Variants in ARAP1 observed in about 807,000 individuals in gnomAD.
ARAP1 encodes ArfGAP with RhoGAP domain, ankyrin repeat and PH domain 1, also known as arf-GAP with Rho-GAP domain, ANK repeat and PH domain-containing protein 1.
ARAP1 carries 76 observed loss-of-function variants against 172.2 expected under a neutral mutation model. The ratio of observed to expected loss-of-function variants is 0.44; its 90% CI spans 0.37 to 0.53. The LOEUF (loss-of-function observed/expected upper bound fraction) is 0.53. ARAP1 is among the 20% of genes least tolerant of loss of function. The pLI is 0.00. For synonymous variants in ARAP1, 804 were observed against 803.3 expected (o/e 1.00, Z -0.01); for missense variants, 1,686 against 1,977.5 (o/e 0.85, Z 2.80).
chr11:72,693,263 C>A lies in ARAP1; in HGVS notation c.3954+62G>T, dbSNP rs1856019447. 1.7e-5 allele frequency: 27 copies of A among 1,579,236 alleles called. No homozygotes were observed. The highest frequency in any genetic ancestry group is 1.1e-4 in the Admixed American group (6 of 56,504). On this transcript the variant is annotated intron_variant, in intron 29 of 34. Coordinates refer to ENST00000393609, the MANE Select transcript of ARAP1 (RefSeq NM_001040118.3). The surrounding 1 kb of genome is among the most constrained non-coding windows in gnomAD (Gnocchi z 4.6). ...TTTCCACTTGCAGACCAAGGGGAAT[C>A]TCTGAGCACATTCAGGTGTACAGGT... is the stretch of plus-strand genomic sequence containing the variant.
intron 1 of ARAP1, among the ~76,000 whole-genome samples, chr11:72,737,010 C>T (rs1430345859): frequency 6.6e-6 from 1 of 152,216 alleles, no homozygotes; most frequent in Non-Finnish European, 1.5e-5. Flanking sequence ...CACATCCTCC[C>T]ATCTTCAGGT....
chr11:72,731,680 A>C (rs1857873867), intron 2 of ARAP1, among the ~76,000 whole-genome samples: 1 of 152,214 alleles, frequency 6.6e-6, no homozygotes. Flanking sequence ...CAAAATTCAC[A>C]AAAACACATG....
chr11:72,719,074 G>A (rs1177776242), intron 3 of ARAP1, among the ~76,000 whole-genome samples: 3 of 152,160 alleles, frequency 2.0e-5, no homozygotes, highest in Non-Finnish European at 4.4e-5. Flanking sequence ...CAGGGATGTT[G>A]GATTATTTGT....
intron 1 of ARAP1, among the ~76,000 whole-genome samples, chr11:72,734,867 T>C (rs1470620666): frequency 6.6e-6 from 1 of 150,520 alleles, no homozygotes; most frequent in Non-Finnish European, 1.5e-5. Flanking sequence ...GAATGCAAAA[T>C]ATCTCAATAA....
At chr11:72,743,956 C>A (rs1421517000) in intron 1 of ARAP1, among the ~76,000 whole-genome samples, 1 of 152,058 alleles carries the variant, frequency 6.6e-6, no homozygotes, top group Non-Finnish European at 1.5e-5. Flanking sequence ...TGCCACCTGC[C>A]CCTCCCCTCT....
intron 15 of ARAP1, among the ~76,000 whole-genome samples, chr11:72,702,203 C>G (rs1195340340): frequency 1.3e-5 from 2 of 152,206 alleles, no homozygotes; most frequent in Admixed American, 6.5e-5. Flanking sequence ...CGGTCAGCGC[C>G]GTGGGGGGGC....
In ARAP1 at chr11:72,685,592, T is replaced by C; in HGVS notation, c.*72A>G. The C allele has an allele frequency of 6.2e-7, 1 of 1,605,032 alleles. No homozygotes were observed. Among genetic ancestry groups the C allele is most frequent in the East Asian group, 2.2e-5 (1 of 44,808 alleles). ...CCCCCCGCTGGCTCACATCAGGCCT[T>C]GGAGCATAAGGGGTGTCTGAACAGA... On this transcript the variant is annotated 3_prime_UTR_variant, in exon 35 of 35. Coordinates refer to ENST00000393609, the MANE Select transcript of ARAP1 (RefSeq NM_001040118.3).
chr11:72,707,153 G>A (rs907056138), intron 12 of ARAP1, 22 bp downstream of exon 12: 6 of 1,535,112 alleles, frequency 3.9e-6, no homozygotes, highest in Non-Finnish European at 5.3e-6. Context: ...TCTGCCTGGT[G>A]CCCCGACCCC....
rs1857171626 is a variant in ARAP1, at chr11:72,714,173, C to T, written c.658G>A (p.Val220Ile). 1 of 1,503,564 alleles carries T rather than the reference C, an allele frequency of 6.7e-7. No homozygotes were observed. Among genetic ancestry groups the T allele is most frequent in the East Asian group, 2.6e-5 (1 of 38,674 alleles). The allele number at this position is 1,503,564 out of a possible 1,614,324, so 93.1% of individuals were successfully genotyped here. A position where few individuals can be genotyped will look rare whatever the true frequency, so the allele number is the denominator to read the frequency against. ...TCACCGAACTCTGGGAACAGGCGTACCGGCTTTGGAGGTATCTCCGGGGGG... is the reference window on the plus strand; with the variant it reads ...TCACCGAACTCTGGGAACAGGCGTATCGGCTTTGGAGGTATCTCCGGGGGG... ...PCPPEIPPKP[V>I]RLFPEFDDSD... is the part of the protein sequence containing the mutation. Residue 220 changes from valine (V) to isoleucine (I), a missense_variant, in exon 4 of 35, where the codon GTA (valine) becomes ATA (isoleucine). This residue lies in a region of ARAP1 where 155 missense variants were observed against 129.2 expected (regional missense o/e 1.20). Coordinates refer to ENST00000393609, the MANE Select transcript of ARAP1 (RefSeq NM_001040118.3).
intron 3 of ARAP1, chr11:72,721,857 C>T (rs1171118264): frequency 2.6e-5 from 26 of 985,588 alleles, no homozygotes; most frequent in East Asian, 1.1e-4. Flanking sequence ...TACCCTCAGA[C>T]GCCTGCTGGG....
chr11:72,694,525 C>T lies in ARAP1; in HGVS notation c.3694+455G>A, dbSNP rs73529662. On this transcript the variant is annotated intron_variant, in intron 27 of 34. Transcript: ENST00000393609. ...AGACCTGGCAATGCCAAGGGTCTTT[C>T]CTCCACAGCAGTTAATGCATCTGTA... Among the ~76,000 whole-genome samples, 1,270 of 152,154 alleles carry T rather than the reference C, an allele frequency of 8.3e-3. 12 individuals carry two copies. The highest frequency in any genetic ancestry group is 0.029 in the African/African-American group (1,187 of 41,498).
chr11:72,707,500 C>A (rs1443021016), intron 11 of ARAP1, 126 bp from the exon 12 acceptor site: 1 of 819,554 alleles, frequency 1.2e-6, no homozygotes, highest in Non-Finnish European at 1.9e-6. Context: ...AGTGAGGCAT[C>A]CCACTCTGGT....
At chr11:72,730,504 C>G (rs1857832838) in intron 2 of ARAP1, among the ~76,000 whole-genome samples, 1 of 152,160 alleles carries the variant, frequency 6.6e-6, no homozygotes, top group African/African-American at 2.4e-5. Flanking sequence ...CGAGACCAGT[C>G]TGGTCAACAT....
At position 72,712,445 on chromosome 11, in the gene ARAP1, C is replaced by G; in HGVS notation, c.871G>C (p.Val291Leu). 1 of 1,579,470 alleles carries G rather than the reference C, an allele frequency of 6.3e-7. No homozygotes were observed. Among genetic ancestry groups the G allele is most frequent in the African/African-American group, 1.3e-5 (1 of 74,414 alleles). Residue 291 changes from valine to leucine, a missense_variant, in exon 6 of 35, where the codon GTC becomes CTC. Val to Leu is a conservative substitution (Grantham distance 32). Coordinates refer to ENST00000393609, the MANE Select transcript of ARAP1 (RefSeq NM_001040118.3). ...GGGTGGCCGGACACTCACTTGGGGA[C>G]GCCCTCATAGGCGTGGTCATCCTCT... ...EEEDDHAYEG[V>L]PNGGWHTSSL...
chr11:72,709,569 G>C (rs1222634356), intron 11 of ARAP1, among the ~76,000 whole-genome samples: 1 of 152,218 alleles, frequency 6.6e-6, no homozygotes, highest in Non-Finnish European at 1.5e-5. Context: ...GGGTGGCGTA[G>C]GCGCAGGGAT....
chr11:72,692,028 T>C (rs1327538756), intron 30 of ARAP1, among the ~76,000 whole-genome samples: 2 of 152,108 alleles, frequency 1.3e-5, no homozygotes, highest in African/African-American at 4.8e-5. Flanking sequence ...TAATGCTCAC[T>C]CGCCCGATGT....
At chr11:72,714,758 C>A (rs1857202179) in intron 3 of ARAP1, among the ~76,000 whole-genome samples, 2 of 152,278 alleles carry the variant, frequency 1.3e-5, no homozygotes, top group South Asian at 4.1e-4. Flanking sequence ...CAGACCAGAG[C>A]CTCAGAAACC....
rs541544829 is a variant in ARAP1, at chr11:72,695,050, A to G, written c.3624T>C (p.Asp1208=). ...TAEELTLEIL[D]RRNVGIREKD... ...TCTCCCTGATGCCCACGTTCCGGCG[A>G]TCCAGGATCTCCAGGGTGAGCTCCT... The change falls in exon 27 of 35, where the codon GAT becomes GAC. Residue 1208 remains aspartate (D), a synonymous_variant. Transcript: ENST00000393609. The surrounding 1 kb of genome is among the most constrained non-coding windows in gnomAD (Gnocchi z 4.4). The G allele has an allele frequency of 2.1e-5, 34 of 1,614,162 alleles. No individual in the cohort carries two copies. The African/African-American group carries it at 3.6e-4, about 17-fold the overall frequency.
rs1856374110 is a variant in ARAP1, at chr11:72,699,446, G to A, written c.2409C>T (p.Cys803=). 1.2e-6 allele frequency: 2 copies of A among 1,613,978 alleles called. No individual in the cohort carries two copies. Among genetic ancestry groups the A allele is most frequent in the Admixed American group, 1.7e-5 (1 of 60,004 alleles). The change falls in exon 17 of 35, where the codon TGC becomes TGT. Residue 803 remains cysteine (C), a synonymous_variant. Transcript: ENST00000393609. This position sits in a 1 kb window ranked among gnomAD's most constrained non-coding sequence, Gnocchi z 4.2. ...NGEIRASEIV[C]LAVPPPDTHG... ...GGGTGTCAGGAGGGGGCACTGCCAG[G>A]CACACAATCTCGCTGGCCCGAATCT...
Sources: allele counts gnomAD v4.1 joint callset (sites outside exome capture counted in the v4.1 genomes callset), GRCh38; gene constraint gnomAD v4.1.1; regional missense constraint gnomAD v4.1.1; non-coding constraint Gnocchi (gnomAD v3.1); transcripts MANE v1.5; gene names NCBI Gene and HGNC (gene_info 2026-07-23, HGNC 2026-07-21).